The following GRHPR variants were observed in gnomAD, a reference collection of about 807,000 sequenced individuals.
GRHPR encodes glyoxylate reductase/hydroxypyruvate reductase.
A neutral mutation model predicts 36.8 loss-of-function variants in GRHPR; 35 were observed. The observed-to-expected ratio is 0.95, with a 90% CI of 0.73 to 1.26. The LOEUF (loss-of-function observed/expected upper bound fraction) is 1.26, where lower values mean the gene tolerates loss of function less well. Ranked by LOEUF, GRHPR falls within the 50% of genes most tolerant of loss-of-function variation. The pLI is 0.00. For missense variants in GRHPR, 380 were observed against 435.0 expected, an observed-to-expected ratio of 0.87 and a Z score of 1.12; for synonymous variants, 179 against 181.0, an observed-to-expected ratio of 0.99 and a Z score of 0.09.
Position 37,425,916 on chromosome 9 carries a change from C to T in GRHPR, c.215-6C>T. ...AGATACTAACAATGCACTTTCTGCA[C>T]AACAGGGGCCAATCTCAAAGTCATC... On this transcript the variant is annotated splice_region_variant and splice_polypyrimidine_tract_variant and intron_variant, in intron 2 of 8. Coordinates refer to ENST00000318158, the MANE Select transcript of GRHPR (RefSeq NM_012203.2). 6.2e-7 allele frequency: 1 copy of T among 1,609,362 alleles called. No individual in the cohort carries two copies. The highest frequency in any genetic ancestry group is 8.5e-7 in the Non-Finnish European group (1 of 1,175,632).
At chr9:37,437,186 T>G (rs1823713055), downstream of GRHPR, among the ~76,000 whole-genome samples, 7 of 151,904 alleles carry the variant, frequency 4.6e-5, no homozygotes, top group Admixed American at 4.6e-4. Flanking sequence ...AGATACCGTT[T>G]CCTGCAGTGT....
chr9:37,430,694 C>T lies in GRHPR; in HGVS notation c.734+48C>T, dbSNP rs770284057. 8 of 1,560,344 alleles carry T rather than the reference C, an allele frequency of 5.1e-6. No individual in the cohort carries two copies. The East Asian group carries it at 1.8e-4, about 35-fold the overall frequency. ...AGCAAGCCTGGAGAGGAGCCATCCC[C>T]ACTGCTGCCATCTGGAGATTTTCTT... On this transcript the variant is annotated intron_variant, in intron 7 of 8. Coordinates refer to ENST00000318158, the MANE Select transcript of GRHPR (RefSeq NM_012203.2).
rs765256070 is a variant in GRHPR at position 37,422,786 on chromosome 9, C to T, written c.36C>T (p.Thr12=). The T allele has an allele frequency of 2.2e-5, 36 of 1,600,520 alleles. No individual in the cohort carries two copies. The Middle Eastern group carries it at 8.8e-4, about 39-fold the overall frequency. Reference sequence around the variant, plus strand: ...TGCGACTCATGAAGGTGTTCGTCACCCGCAGGATACCCGCCGAGGGTAGGG... The same window carrying T: ...TGCGACTCATGAAGGTGTTCGTCACTCGCAGGATACCCGCCGAGGGTAGGG... ...RPVRLMKVFV[T]RRIPAEGRVA... Residue 12 remains threonine (T), a synonymous_variant, in exon 1 of 9, where the codon ACC becomes ACT. Coordinates refer to ENST00000318158, the MANE Select transcript of GRHPR (RefSeq NM_012203.2).
At chr9:37,433,803 G>A (rs1823497487) in intron 8 of GRHPR, 1 of 362,146 alleles carries the variant, frequency 2.8e-6, no homozygotes, top group South Asian at 1.5e-4. Flanking sequence ...TGGAGTTTAT[G>A]CCTCCAGACT....
chr9:37,438,341 T>C (rs1452978975), downstream of GRHPR: 2 of 152,564 alleles, frequency 1.3e-5, no homozygotes, highest in African/African-American at 4.8e-5. Flanking sequence ...CTGGGACTGG[T>C]TTTCCAGGGA....
At chr9:37,431,636 G>C (rs1175491830) in intron 7 of GRHPR, 1 of 280,794 alleles carries the variant, frequency 3.6e-6, no homozygotes, top group African/African-American at 2.2e-5. Context: ...CACTTGGATG[G>C]GGCCTAACAC....
intron 8 of GRHPR, among the ~76,000 whole-genome samples, chr9:37,433,378 C>T (rs573127349): frequency 1.9e-4 from 29 of 152,156 alleles, no homozygotes; most frequent in African/African-American, 6.0e-4. Context: ...GGATTACAGG[C>T]GTGTACCACC....
intron 5 of GRHPR, chr9:37,429,039 T>C (rs1330844600): frequency 3.1e-6 from 1 of 320,978 alleles, no homozygotes; most frequent in Non-Finnish European, 6.1e-6. Flanking sequence ...TGGCCCTTAT[T>C]TGGAGAAGCC....
Position 37,436,972 on chromosome 9 carries a change from AT to A in GRHPR, c.*192del. On this transcript the variant is annotated 3_prime_UTR_variant, in exon 9 of 9. Coordinates refer to ENST00000318158, the MANE Select transcript of GRHPR (RefSeq NM_012203.2). ...GCGCCAAAAGTATGGTAATTCTATT[AT>A]TAAATAATTCTCTGAGAGACCGTCT... The A allele has an allele frequency of 5.0e-6, 3 of 602,108 alleles. No homozygotes were observed. The South Asian group carries it at 5.4e-5, about 11-fold the overall frequency. 37.3% of individuals were successfully genotyped at this position (602,108 alleles called of 1,614,324 possible). A position where few individuals can be genotyped will look rare whatever the true frequency, so the allele number is the denominator to read the frequency against.
chr9:37,436,604 C>T (rs1823663327), intron 8 of GRHPR, 57 bp from the exon 9 acceptor site: 6 of 1,604,450 alleles, frequency 3.7e-6, no homozygotes, highest in Non-Finnish European at 5.1e-6. Flanking sequence ...AACAGCCCAG[C>T]TGAAGGCTGC....
chr9:37,425,940 T>C lies in GRHPR; in HGVS notation c.233T>C (p.Ile78Thr). ...LDAAGANLKV[I>T]STMSVGIDHL... ...ACAACAGGGGCCAATCTCAAAGTCATCAGCACCATGTCTGTGGGCATCGAC... is the reference window on the plus strand; with the variant it reads ...ACAACAGGGGCCAATCTCAAAGTCACCAGCACCATGTCTGTGGGCATCGAC... Residue 78 changes from isoleucine to threonine, a missense_variant, in exon 3 of 9, where the codon ATC becomes ACC. By Grantham distance (89) the Ile-to-Thr change is moderately conservative. Transcript: ENST00000318158. 1.2e-6 allele frequency: 2 copies of C among 1,613,670 alleles called. No homozygotes were observed. The highest frequency in any genetic ancestry group is 1.7e-6 in the Non-Finnish European group (2 of 1,179,560).
chr9:37,425,882 C>G, intron 2 of GRHPR, 40 bp from the exon 3 acceptor site: 1 of 1,447,576 alleles, frequency 6.9e-7, no homozygotes, highest in Middle Eastern at 1.7e-4. Context: ...CTTTGAGTTC[C>G]TCGAGGAAAG....
chr9:37,425,847 C>A, intron 2 of GRHPR, 75 bp from the exon 3 acceptor site: 1 of 905,174 alleles, frequency 1.1e-6, no homozygotes, highest in Non-Finnish European at 1.9e-6. Context: ...AAGCGGTGTC[C>A]CCATGATAGT....
chr9:37,426,181 G>T, intron 3 of GRHPR, 187 bp downstream of exon 3: 1 of 624,734 alleles, frequency 1.6e-6, no homozygotes. Context: ...AGAAACAGTG[G>T]GTAACTTCTG....
At chr9:37,424,458 C>T (rs1176710289) in intron 1 of GRHPR, among the ~76,000 whole-genome samples, 2 of 152,254 alleles carry the variant, frequency 1.3e-5, no homozygotes, top group Non-Finnish European at 2.9e-5. Context: ...ATGGACTCCA[C>T]GGACAGGAAG....
intron 8 of GRHPR, chr9:37,434,135 GCCA>G (rs1554749080): frequency 1.3e-5 from 5 of 382,356 alleles, no homozygotes; most frequent in Non-Finnish European, 9.3e-6. Flanking sequence ...AGCTGCAGCC[GCCA>G]CCGCTGCTTC....
chr9:37,432,398 G>A, intron 8 of GRHPR: 2 of 405,906 alleles, frequency 4.9e-6, no homozygotes, highest in South Asian at 2.1e-5. Flanking sequence ...AAAAAGAGTG[G>A]GCCAGGCGTG....
Position 37,432,038 on chromosome 9 carries a change from C to A in GRHPR, c.765C>A (p.Tyr255Ter), listed in dbSNP as rs759328663. 6.2e-7 allele frequency: 1 copy of A among 1,614,138 alleles called. No homozygotes were observed. Among genetic ancestry groups the A allele is most frequent in the Admixed American group, 1.7e-5 (1 of 60,026 alleles). ...RGDVVNQDDL[Y>*]QALASGKIAA... ...ACGTCGTAAACCAGGACGACCTGTACCAGGCCTTGGCCAGTGGTAAGATTG... is the reference window on the plus strand; with the variant it reads ...ACGTCGTAAACCAGGACGACCTGTAACAGGCCTTGGCCAGTGGTAAGATTG... The change falls in exon 8 of 9, where the codon TAC (tyrosine) becomes TAA (stop). Residue 255 changes from tyrosine (Y) to a stop codon, truncating the protein, a stop_gained. Transcript: ENST00000318158. LOFTEE classifies it high-confidence loss of function.
At chr9:37,423,711 G>T (rs892358303) in intron 1 of GRHPR, among the ~76,000 whole-genome samples, 7 of 151,032 alleles carry the variant, frequency 4.6e-5, no homozygotes, top group Non-Finnish European at 8.9e-5. Flanking sequence ...CTGTACGAAG[G>T]GATCCTCCCA....
Sources: allele counts gnomAD v4.1 joint callset (sites outside exome capture counted in the v4.1 genomes callset), GRCh38; gene constraint gnomAD v4.1.1; transcripts MANE v1.5; gene names NCBI Gene and HGNC (gene_info 2026-07-23, HGNC 2026-07-21).